Variants in AOAH observed in about 807,000 individuals in gnomAD.
The protein encoded by AOAH is acyloxyacyl hydrolase (neutrophil).
A neutral mutation model predicts 92.2 loss-of-function variants in AOAH; 64 were observed. The ratio of observed to expected loss-of-function variants is 0.69; its 90% CI spans 0.57 to 0.86. The LOEUF (loss-of-function observed/expected upper bound fraction) is 0.86. AOAH is among the 40% of genes least tolerant of loss of function. The probability of loss-of-function intolerance (pLI) is 0.00; values close to 1 mark genes in which losing one functional copy is unlikely to be tolerated. For synonymous variants in AOAH, 263 were observed against 254.5 expected (o/e 1.03, Z -0.32); for missense variants, 656 against 694.6 (o/e 0.94, Z 0.62).
intron 4 of AOAH, among the ~76,000 whole-genome samples, chr7:36,640,609 C>T (rs905485922): frequency 2.6e-5 from 4 of 152,116 alleles, no homozygotes; most frequent in African/African-American, 4.8e-5. Context: ...GCCTTTGTCT[C>T]GGCGGCACTC....
In AOAH at chr7:36,516,989, A is replaced by G. The variant is rs1783755992; in HGVS notation, c.1600-3609T>C. ...AATGAGACTGGCATGCTTATCACCA[A>G]ACTAGAGACTTGTGATAAAATGATC... On this transcript the variant is annotated intron_variant, in intron 20 of 20. Coordinates refer to ENST00000617537, the MANE Select transcript of AOAH (RefSeq NM_001637.4). The surrounding 1 kb of genome is among the most constrained non-coding windows in gnomAD (Gnocchi z 5.0). 6.6e-6 allele frequency among the ~76,000 whole-genome samples: 1 copy of G among 152,182 alleles called. No homozygotes were observed. The highest frequency in any genetic ancestry group is 2.4e-5 in the African/African-American group (1 of 41,436).
At position 36,687,537 on chromosome 7, in the gene AOAH, CT is replaced by C. The variant is rs5883572; in HGVS notation, c.128-744del. 5.3e-3 allele frequency among the ~76,000 whole-genome samples: 765 copies of C among 145,258 alleles called. 5 individuals are homozygous for C. The highest frequency in any genetic ancestry group is 0.017 in the African/African-American group (664 of 39,982). ...ACTGAGCAGCAGGGGAAAACCAAAC[CT>C]TTTTTTTTTTTTCCAAAGAAAAGGG... is the stretch of plus-strand genomic sequence containing the variant. On this transcript the variant is annotated intron_variant, in intron 1 of 20. Transcript: ENST00000617537.
rs755125190 is a variant in AOAH, at chr7:36,659,278, G to A, written c.291-13C>T. ...ATCTGCGCTAAGCCTGGAGGGAAAC[G>A]GTGCAAAACAAAGGCTATTCAGATC... On this transcript the variant is annotated splice_polypyrimidine_tract_variant and intron_variant, in intron 3 of 20. Transcript: ENST00000617537. The A allele has an allele frequency of 7.8e-5, 125 of 1,605,092 alleles. 3 individuals are homozygous for A. The South Asian group carries it at 9.7e-4, about 12-fold the overall frequency.
At chr7:36,631,967 T>C (rs1793140795) in intron 6 of AOAH, 69 bp downstream of exon 6, 1 of 1,270,164 alleles carries the variant, frequency 7.9e-7, no homozygotes, top group Non-Finnish European at 1.1e-6. Flanking sequence ...TTTTGGTCAT[T>C]AGAAAAGGGG....
intron 1 of AOAH, among the ~76,000 whole-genome samples, chr7:36,712,927 T>C (rs7780908): frequency 0.6 from 91,213 of 151,854 alleles, 27,728 homozygotes; most frequent in East Asian, 0.83. Flanking sequence ...CATCAACTAA[T>C]GAGCAAAATA....
intron 1 of AOAH, among the ~76,000 whole-genome samples, chr7:36,711,129 G>A (rs180723664): frequency 1.1e-3 from 174 of 152,260 alleles, no homozygotes; most frequent in Non-Finnish European, 1.9e-3. Flanking sequence ...GAAAATTACT[G>A]AGAAGGAAAT....
chr7:36,620,727 T>C (rs970086606), intron 9 of AOAH, 54 bp downstream of exon 9: 5 of 1,562,978 alleles, frequency 3.2e-6, no homozygotes. Context: ...TGATGAGCTT[T>C]AGGGGAGGGA....
intron 4 of AOAH, among the ~76,000 whole-genome samples, chr7:36,638,468 T>G (rs1218113336): frequency 6.6e-6 from 1 of 152,186 alleles, no homozygotes; most frequent in African/African-American, 2.4e-5. Flanking sequence ...TTTGAGAGCA[T>G]CTAAGTGCAT....
chr7:36,722,730 C>T (rs567915917), intron 1 of AOAH, among the ~76,000 whole-genome samples: 9 of 151,812 alleles, frequency 5.9e-5, no homozygotes, highest in African/African-American at 1.9e-4. Context: ...GTCAGGAGTT[C>T]GAGACCAGTG....
chr7:36,678,581 G>T (rs1422924285), intron 2 of AOAH, among the ~76,000 whole-genome samples: 3 of 126,050 alleles, frequency 2.4e-5, no homozygotes, highest in African/African-American at 1.2e-4. Flanking sequence ...GTGTGTGTGT[G>T]TGTGTGTGTG....
chr7:36,710,591 G>A (rs1798705888), intron 1 of AOAH, among the ~76,000 whole-genome samples: 1 of 152,234 alleles, frequency 6.6e-6, no homozygotes, highest in African/African-American at 2.4e-5. Context: ...TGCAGAAACT[G>A]TGAGGTAATA....
In AOAH at chr7:36,516,171, C is replaced by T. The variant is rs951110039; in HGVS notation, c.1600-2791G>A. Among the ~76,000 whole-genome samples the T allele has an allele frequency of 6.7e-6, 1 of 149,702 alleles. No homozygotes were observed. The highest frequency in any genetic ancestry group is 2.5e-5 in the African/African-American group (1 of 40,562). On this transcript the variant is annotated intron_variant, in intron 20 of 20. Transcript: ENST00000617537. The surrounding 1 kb of genome is among the most constrained non-coding windows in gnomAD (Gnocchi z 5.0). ...ATCTCACACACACACACCACACACCCCATACCACACATACATACATCTCTC... is the reference window on the plus strand; with the variant it reads ...ATCTCACACACACACACCACACACCTCATACCACACATACATACATCTCTC...
intron 6 of AOAH, among the ~76,000 whole-genome samples, chr7:36,631,786 G>A (rs529147355): frequency 1.3e-5 from 2 of 152,284 alleles, no homozygotes; most frequent in Admixed American, 6.5e-5. Context: ...GCCTCACTGC[G>A]GGCTGCATTC....
At chr7:36,675,601 G>T (rs1235594076) in intron 2 of AOAH, among the ~76,000 whole-genome samples, 1 of 152,112 alleles carries the variant, frequency 6.6e-6, no homozygotes, top group Admixed American at 6.5e-5. Context: ...AATTTATCAA[G>T]AATTCTTCCA....
intron 4 of AOAH, among the ~76,000 whole-genome samples, chr7:36,645,217 C>A (rs1047852628): frequency 6.6e-6 from 1 of 152,140 alleles, no homozygotes; most frequent in Non-Finnish European, 1.5e-5. Flanking sequence ...GGTCATGAGG[C>A]TGGAGCCCTC....
chr7:36,634,428 C>T (rs929756040), intron 5 of AOAH, among the ~76,000 whole-genome samples: 4 of 152,138 alleles, frequency 2.6e-5, no homozygotes, highest in Admixed American at 2.0e-4. Flanking sequence ...ATGCAGCCCC[C>T]AGTCACGTAC....
chr7:36,617,160 A>G (rs1791959988), intron 10 of AOAH, among the ~76,000 whole-genome samples: 1 of 152,182 alleles, frequency 6.6e-6, no homozygotes, highest in South Asian at 2.1e-4. Context: ...AAACTCCTCA[A>G]GTCATGCAAG....
At chr7:36,708,451 G>A (rs1299157035) in intron 1 of AOAH, among the ~76,000 whole-genome samples, 1 of 151,962 alleles carries the variant, frequency 6.6e-6, no homozygotes, top group East Asian at 1.9e-4. Context: ...ATTGAACACT[G>A]TCACAATATT....
At chr7:36,573,050 G>C (rs1214256627) in intron 13 of AOAH, among the ~76,000 whole-genome samples, 1 of 152,204 alleles carries the variant, frequency 6.6e-6, no homozygotes, top group African/African-American at 2.4e-5. Context: ...GACATTCAAT[G>C]ATTGGCCCAA....
Sources: gnomAD v4.1 joint callset for allele counts (sites outside exome capture counted in the v4.1 genomes callset) on GRCh38, gnomAD v4.1.1 for gene constraint, Gnocchi (gnomAD v3.1) non-coding constraint, MANE v1.5 for transcripts, NCBI Gene and HGNC (gene_info 2026-07-23, HGNC 2026-07-21) for gene names.